The following YJU2B variants were observed in gnomAD, a reference collection of about 807,000 sequenced individuals.
The protein encoded by YJU2B is probable splicing factor YJU2B.
YJU2B carries 18 observed loss-of-function variants against 38.0 expected under a neutral mutation model. That is an observed-to-expected ratio of 0.47 (90% confidence interval 0.33 to 0.70). YJU2B has a LOEUF of 0.70. Among genes scored for constraint, YJU2B ranks in the 30% least tolerant of loss-of-function variants. The pLI is 0.02. For synonymous variants in YJU2B, 246 were observed against 225.4 expected (o/e 1.09, Z -0.82); for missense variants, 538 against 556.3 (o/e 0.97, Z 0.33).
intron 2 of YJU2B, among the ~76,000 whole-genome samples, chr19:13,734,004 T>C (rs140583041): frequency 2.1e-4 from 32 of 152,302 alleles, no homozygotes; most frequent in African/African-American, 7.7e-4. Context: ...CATGACTCAC[T>C]GTAGCCTCCA....
chr19:13,750,437 G>T (rs1021775078), intron 1 of YJU2B, among the ~76,000 whole-genome samples: 3 of 152,098 alleles, frequency 2.0e-5, no homozygotes, highest in Non-Finnish European at 2.9e-5. Context: ...ATGTTGGCCA[G>T]GCTGGTCTTG....
At chr19:13,732,907 C>A (rs979418844) in intron 2 of YJU2B, among the ~76,000 whole-genome samples, 2 of 150,404 alleles carry the variant, frequency 1.3e-5, no homozygotes, top group African/African-American at 4.9e-5. Context: ...CTGCACCCGG[C>A]ATAAAAAATG....
At position 13,759,179 on chromosome 19, in the gene YJU2B, G is replaced by A; in HGVS notation, c.480G>A (p.Lys160=). Reference sequence around the variant, plus strand: ...GCGAGGCCGACCGCAGCACACTCAAGAAGGCGCTGCCCACACTGAGCCACA... The same window carrying A: ...GCGAGGCCGACCGCAGCACACTCAAAAAGGCGCTGCCCACACTGAGCCACA... ...EHGEADRSTL[K]KALPTLSHIQ... is the part of the protein sequence containing the mutation. Residue 160 remains lysine (K), a synonymous_variant, in exon 8 of 10, where the codon AAG becomes AAA. Transcript: ENST00000221554. 1 of 1,613,548 alleles carries A rather than the reference G, an allele frequency of 6.2e-7. No homozygotes were observed.
intron 4 of YJU2B, 63 bp downstream of exon 4, chr19:13,756,342 G>A: frequency 7.4e-7 from 1 of 1,351,992 alleles, no homozygotes; most frequent in Non-Finnish European, 1.1e-6. Context: ...CTCAAGGAGA[G>A]TTCAGTGCCC....
At chr19:13,759,448 T>G in intron 8 of YJU2B, 176 bp downstream of exon 8, 1 of 568,024 alleles carries the variant, frequency 1.8e-6, no homozygotes, top group African/African-American at 1.9e-5. Flanking sequence ...GCTACTATAA[T>G]AAAAAATACC....
chr19:13,745,150 T>A (rs556346435), upstream of YJU2B, among the ~76,000 whole-genome samples: 27 of 152,288 alleles, frequency 1.8e-4, no homozygotes, highest in African/African-American at 6.5e-4. Flanking sequence ...ACTTAACCTC[T>A]CTGGGCCTGT....
chr19:13,748,527 A>G (rs531038689), intron 1 of YJU2B, among the ~76,000 whole-genome samples: 14 of 152,308 alleles, frequency 9.2e-5, no homozygotes, highest in African/African-American at 2.9e-4. Context: ...CCCACCCGAT[A>G]GCCCCGTCTG....
intron 2 of YJU2B, among the ~76,000 whole-genome samples, chr19:13,737,516 G>T (rs560847790): frequency 6.6e-6 from 1 of 150,686 alleles, no homozygotes; most frequent in African/African-American, 2.4e-5. Flanking sequence ...GCTGGGCGCG[G>T]TGGCTCACAC....
At chr19:13,748,248 A>C (rs1337921851) in intron 1 of YJU2B, among the ~76,000 whole-genome samples, 1 of 152,160 alleles carries the variant, frequency 6.6e-6, no homozygotes, top group Non-Finnish European at 1.5e-5. Flanking sequence ...TCCCTATCTC[A>C]CCAGATTTTA....
At chr19:13,745,708 T>TAG (rs58419018), upstream of YJU2B, among the ~76,000 whole-genome samples, 379 of 56,320 alleles carry the variant, frequency 6.7e-3, 2 homozygotes, top group African/African-American at 0.022. Flanking sequence ...TATATAGATA[T>TAG]CTATAGATCT....
chr19:13,757,985 C>T, intron 6 of YJU2B, 139 bp downstream of exon 6: 1 of 688,214 alleles, frequency 1.5e-6, no homozygotes, highest in Non-Finnish European at 2.5e-6. Context: ...TCAGGGCACA[C>T]CCCACCCCCG....
At chr19:13,733,090 C>T (rs990301387) in intron 2 of YJU2B, among the ~76,000 whole-genome samples, 50 of 151,736 alleles carry the variant, frequency 3.3e-4, no homozygotes, top group African/African-American at 1.1e-3. Context: ...CCACCTCACC[C>T]GGCTAATTTT....
intron 1 of YJU2B, among the ~76,000 whole-genome samples, chr19:13,750,658 C>A (rs1218184121): frequency 6.6e-6 from 1 of 151,696 alleles, no homozygotes; most frequent in Non-Finnish European, 1.5e-5. Flanking sequence ...CCAGGAGTTC[C>A]AGACTGGCCT....
intron 1 of YJU2B, among the ~76,000 whole-genome samples, chr19:13,750,758 A>G (rs1973428492): frequency 6.6e-6 from 1 of 150,396 alleles, no homozygotes; most frequent in South Asian, 2.1e-4. Flanking sequence ...GCTACTCAGG[A>G]GACTGAGGCA....
rs368367653 is a variant in YJU2B at position 13,763,113 on chromosome 19, A to G, written c.*45A>G. The stretch of plus-strand genomic sequence containing the variant: ...CTGGACCCGCTCTAGAGGCCCGGAC[A>G]CACCCAGGAGGCCCCTCACAGACTG... On this transcript the variant is annotated 3_prime_UTR_variant, in exon 10 of 10. Coordinates refer to ENST00000221554, the MANE Select transcript of YJU2B (RefSeq NM_030818.4). The G allele has an allele frequency of 2.0e-6, 3 of 1,476,974 alleles. No individual in the cohort carries two copies. The African/African-American group carries it at 4.2e-5, about 21-fold the overall frequency. The allele number at this position is 1,476,974 out of a possible 1,614,324, so 91.5% of individuals were successfully genotyped here. A position where few individuals can be genotyped will look rare whatever the true frequency, so the allele number is the denominator to read the frequency against.
upstream of YJU2B, among the ~76,000 whole-genome samples, chr19:13,743,035 A>C (rs779789926): frequency 6.6e-6 from 1 of 152,142 alleles, no homozygotes; most frequent in Non-Finnish European, 1.5e-5. Flanking sequence ...AGATACCCAC[A>C]CTAAGGTCTT....
At chr19:13,756,575 G>T (rs1247569079) in intron 4 of YJU2B, among the ~76,000 whole-genome samples, 1 of 152,128 alleles carries the variant, frequency 6.6e-6, no homozygotes, top group Non-Finnish European at 1.5e-5. Flanking sequence ...GCTGGGGACT[G>T]GCTGGTTTAG....
In YJU2B at chr19:13,747,928, C is replaced by G. The variant is rs950393095; in HGVS notation, c.-228C>G. On this transcript the variant is annotated 5_prime_UTR_variant, in exon 1 of 10. Transcript: ENST00000221554. Reference sequence around the variant, plus strand: ...CTCAGCGCGCACTTCCGGGCACGGTCAGGGCGTGACGTCGGGAGGAGGGCA... The same window carrying G: ...CTCAGCGCGCACTTCCGGGCACGGTGAGGGCGTGACGTCGGGAGGAGGGCA... The G allele has an allele frequency of 1.3e-5, 2 of 152,280 alleles. No individual in the cohort carries two copies. Among genetic ancestry groups the G allele is most frequent in the Admixed American group, 1.3e-4 (2 of 15,290 alleles). The allele number at this position is 152,280 out of a possible 1,614,324, so 9.4% of individuals were successfully genotyped here.
At chr19:13,742,487 CTG>C (rs929381114) in intron 2 of YJU2B, among the ~76,000 whole-genome samples, 1 of 152,118 alleles carries the variant, frequency 6.6e-6, no homozygotes, top group African/African-American at 2.4e-5. Context: ...GCATAAATGT[CTG>C]TGCCCTTTCT....
Sources: allele counts gnomAD v4.1 joint callset (sites outside exome capture counted in the v4.1 genomes callset), GRCh38; gene constraint gnomAD v4.1.1; transcripts MANE v1.5; gene names NCBI Gene and HGNC (gene_info 2026-07-23, HGNC 2026-07-21).